The following R3HDML variants were observed in gnomAD, a reference collection of about 807,000 sequenced individuals.
R3HDML encodes R3H domain containing like.
R3HDML carries 21 observed loss-of-function variants against 24.2 expected under a neutral mutation model. That is an observed-to-expected ratio of 0.87 (90% CI 0.62 to 1.25). The LOEUF (loss-of-function observed/expected upper bound fraction) is 1.25. R3HDML is among the 50% of genes most tolerant of loss of function. The probability of loss-of-function intolerance (pLI) is 0.00; values close to 1 mark genes in which losing one functional copy is unlikely to be tolerated. For synonymous variants in R3HDML, 133 were observed against 131.5 expected (o/e 1.01, Z -0.08); for missense variants, 301 against 340.3 (o/e 0.88, Z 0.91).
In R3HDML at chr20:44,337,510, G is replaced by A; in HGVS notation, c.261+92G>A. The A allele has an allele frequency of 1.4e-6, 2 of 1,413,576 alleles. No homozygotes were observed. The highest frequency in any genetic ancestry group is 9.7e-7 in the Non-Finnish European group (1 of 1,028,808). 87.6% of individuals were successfully genotyped at this position (1,413,576 alleles called of 1,614,324 possible). ...TTGGCCTAGAATGACTGGCTTTGAA[G>A]AGCTGGACCACTTGCCTGCCTGGCC... On this transcript the variant is annotated intron_variant, in intron 1 of 4. Transcript: ENST00000217043. This position sits in a 1 kb window ranked among gnomAD's most constrained non-coding sequence, Gnocchi z 4.7.
At chr20:44,345,464 T>C in intron 4 of R3HDML, 86 bp downstream of exon 4, 1 of 916,364 alleles carries the variant, frequency 1.1e-6, no homozygotes, top group Non-Finnish European at 1.7e-6. Flanking sequence ...CCATATCCCT[T>C]CTTCATTCTA....
At chr20:44,345,417 G>A (rs200276733) in intron 4 of R3HDML, 39 bp downstream of exon 4, 79 of 1,433,722 alleles carry the variant, frequency 5.5e-5, no homozygotes, top group African/African-American at 4.5e-4. Context: ...CCCTGGGGCC[G>A]GCGGGTGGGT....
chr20:44,350,922 C>A lies in R3HDML; in HGVS notation c.*130C>A. The A allele has an allele frequency of 9.7e-7, 1 of 1,035,562 alleles. No individual in the cohort carries two copies. The highest frequency in any genetic ancestry group is 1.6e-5 in the South Asian group (1 of 61,902). 64.1% of individuals were successfully genotyped at this position (1,035,562 alleles called of 1,614,324 possible). A position where few individuals can be genotyped will look rare whatever the true frequency, so the allele number is the denominator to read the frequency against. On this transcript the variant is annotated 3_prime_UTR_variant, in exon 5 of 5. Coordinates refer to ENST00000217043, the MANE Select transcript of R3HDML (RefSeq NM_178491.4). ...AGAATCACCCCCTGTTGAATTTTCC[C>A]TCCTAGATCCCCTTCTTAAATGTCC...
chr20:44,350,489 AAAATAAATAAAT>A, intron 4 of R3HDML, 159 bp from the exon 5 acceptor site: 1 of 542,522 alleles, frequency 1.8e-6, no homozygotes. Flanking sequence ...AGAGCAAAAC[AAAATAAATAAAT>A]AAATAAATAA....
chr20:44,346,305 T>G (rs6017325), intron 4 of R3HDML, among the ~76,000 whole-genome samples: 15,337 of 151,658 alleles, frequency 0.1, 972 homozygotes, highest in Middle Eastern at 0.17. Context: ...GTAGAGACGG[T>G]GTCTCACTAT....
Position 44,343,522 on chromosome 20 carries a change from C to A in R3HDML, c.513+13C>A. ...CCATTATACCCAGGTACTCCTCCGT[C>A]AGGGCTGAGGGCCCCTGGGATAACA... On this transcript the variant is annotated intron_variant, in intron 3 of 4. Coordinates refer to ENST00000217043, the MANE Select transcript of R3HDML (RefSeq NM_178491.4). 6.3e-7 allele frequency: 1 copy of A among 1,592,528 alleles called. No homozygotes were observed. The highest frequency in any genetic ancestry group is 2.3e-5 in the East Asian group (1 of 43,992).
rs202187624 is a variant in R3HDML at position 44,345,337 on chromosome 20, C to A, written c.588C>A (p.Thr196=). 532 of 1,614,136 alleles carry A rather than the reference C, an allele frequency of 3.3e-4. 10 individuals carry two copies. In the Middle Eastern group the frequency reaches 0.016, roughly 48 times the overall value. ...TCSSISVWGN[T]WHRAAYLVCN... ...GTAGCATCAGTGTCTGGGGCAACAC[C>A]TGGCATCGGGCGGCATACCTGGTCT... Residue 196 remains threonine (T), a synonymous_variant, in exon 4 of 5, where the codon ACC becomes ACA. Transcript: ENST00000217043.
rs146311172 is a variant in R3HDML, at chr20:44,348,551, G to A, written c.630-2109G>A. Among the ~76,000 whole-genome samples the A allele has an allele frequency of 2.0e-3, 275 of 140,028 alleles. 2 individuals are homozygous for A. Among genetic ancestry groups the A allele is most frequent in the African/African-American group, 6.8e-3 (265 of 39,092 alleles). The allele number at this position is 140,028 out of a possible 152,430, so 91.9% of individuals were successfully genotyped here. On this transcript the variant is annotated intron_variant, in intron 4 of 4. Transcript: ENST00000217043. ...TCTGTCCAGCTCTGTCACCCAGGCT[G>A]GAGTGCAGTGGCAGAATCTCAGCTC...
At chr20:44,347,057 G>A (rs1053464478) in intron 4 of R3HDML, among the ~76,000 whole-genome samples, 27 of 152,226 alleles carry the variant, frequency 1.8e-4, no homozygotes, top group South Asian at 8.3e-4. Flanking sequence ...CAGGAGAATC[G>A]CTTGAGCCTC....
At chr20:44,340,914 C>A (rs111246463) in intron 1 of R3HDML, among the ~76,000 whole-genome samples, 21 of 152,330 alleles carry the variant, frequency 1.4e-4, no homozygotes, top group African/African-American at 4.6e-4. Context: ...CTTCTAGGGA[C>A]TGCTGAGAAC....
At chr20:44,347,399 TG>T (rs67290141) in intron 4 of R3HDML, among the ~76,000 whole-genome samples, 206 of 151,970 alleles carry the variant, frequency 1.4e-3, no homozygotes, top group Non-Finnish European at 2.5e-3. Context: ...TTAACATTTT[TG>T]TAGAGATGGG....
At chr20:44,342,211 T>A (rs1364125446) in intron 2 of R3HDML, among the ~76,000 whole-genome samples, 1 of 152,194 alleles carries the variant, frequency 6.6e-6, no homozygotes. Context: ...CAAATAAGGA[T>A]GTCAGAAAAA....
At chr20:44,340,139 G>A (rs1014396394) in intron 1 of R3HDML, among the ~76,000 whole-genome samples, 1 of 151,936 alleles carries the variant, frequency 6.6e-6, no homozygotes, top group Non-Finnish European at 1.5e-5. Context: ...ATTTTTAGTA[G>A]AGACAGGGTT....
Position 44,345,309 on chromosome 20 carries a change from G to C in R3HDML, c.560G>C (p.Cys187Ser), listed in dbSNP as rs757546307. The change falls in exon 4 of 5, where the codon TGT becomes TCT. Residue 187 changes from cysteine to serine, a missense_variant. Coordinates refer to ENST00000217043, the MANE Select transcript of R3HDML (RefSeq NM_178491.4). ...CGGCTGGGCTGTGCCATCCACACCT[G>C]TAGTAGCATCAGTGTCTGGGGCAAC... The part of the protein sequence containing the change: ...SNRLGCAIHT[C>S]SSISVWGNTW... 6.2e-7 allele frequency: 1 copy of C among 1,614,206 alleles called. No homozygotes were observed. Among genetic ancestry groups the C allele is most frequent in the Non-Finnish European group, 8.5e-7 (1 of 1,180,028 alleles).
intron 4 of R3HDML, among the ~76,000 whole-genome samples, chr20:44,346,216 G>A (rs2062786647): frequency 6.6e-6 from 1 of 152,108 alleles, no homozygotes. Flanking sequence ...GACTGGCTGG[G>A]CTCAAGTAAC....
intron 4 of R3HDML, among the ~76,000 whole-genome samples, chr20:44,347,219 T>C (rs1245833653): frequency 1.5e-5 from 2 of 137,650 alleles, no homozygotes; most frequent in African/African-American, 5.0e-5. Flanking sequence ...TTTTTCTTTT[T>C]TCTTTTTTTT....
At chr20:44,342,350 G>A (rs2062774445) in intron 2 of R3HDML, among the ~76,000 whole-genome samples, 1 of 152,048 alleles carries the variant, frequency 6.6e-6, no homozygotes, top group African/African-American at 2.4e-5. Context: ...GTCCTTCACT[G>A]GTCACAACCA....
Position 44,344,982 on chromosome 20 carries a change from T to C in R3HDML, c.514-281T>C, listed in dbSNP as rs1600601056. The C allele has an allele frequency of 1.8e-5, 8 of 455,028 alleles. No individual in the cohort carries two copies. In the East Asian group the frequency reaches 3.5e-4, roughly 20 times the overall value. The allele number at this position is 455,028 out of a possible 1,614,324, so 28.2% of individuals were successfully genotyped here. A position where few individuals can be genotyped will look rare whatever the true frequency, so the allele number is the denominator to read the frequency against. On this transcript the variant is annotated intron_variant, in intron 3 of 4. Coordinates refer to ENST00000217043, the MANE Select transcript of R3HDML (RefSeq NM_178491.4). Reference sequence around the variant, plus strand: ...ATCACACATGATAACATGATAAGGCTAGTGATTTGTAAAACTCTTGTTCAA... The same window carrying C: ...ATCACACATGATAACATGATAAGGCCAGTGATTTGTAAAACTCTTGTTCAA...
At chr20:44,348,646 G>A (rs573109831) in intron 4 of R3HDML, among the ~76,000 whole-genome samples, 96 of 151,756 alleles carry the variant, frequency 6.3e-4, no homozygotes, top group African/African-American at 2.1e-3. Context: ...GACTACAGGC[G>A]TTCACCACCA....
Sources: allele counts gnomAD v4.1 joint callset (sites outside exome capture counted in the v4.1 genomes callset), GRCh38; gene constraint gnomAD v4.1.1; non-coding constraint Gnocchi (gnomAD v3.1); transcripts MANE v1.5; gene names NCBI Gene and HGNC (gene_info 2026-07-23, HGNC 2026-07-21).